The following ATRN variants were observed in gnomAD, a reference collection of about 807,000 sequenced individuals.
The protein encoded by ATRN is attractin.
In ATRN, 54 loss-of-function variants were observed where a neutral mutation model predicts 178.7. That is an observed-to-expected ratio of 0.30 (90% CI 0.24 to 0.38). The LOEUF (loss-of-function observed/expected upper bound fraction) is 0.38. Ranked by LOEUF, ATRN falls within the 10% of genes least tolerant of loss-of-function variation. The pLI is 1.00. For missense variants in ATRN, 1,443 were observed against 1,815.1 expected (o/e 0.79, Z 3.73); for synonymous variants, 636 against 663.0 (o/e 0.96, Z 0.63).
chr20:3,501,041 G>A (rs2084957211), intron 1 of ATRN, among the ~76,000 whole-genome samples: 1 of 151,942 alleles, frequency 6.6e-6, no homozygotes, highest in Admixed American at 6.6e-5. Flanking sequence ...CATTTCTAGA[G>A]GGACATATCC....
At chr20:3,485,593 C>T (rs1163327558) in intron 1 of ATRN, among the ~76,000 whole-genome samples, 10 of 128,458 alleles carry the variant, frequency 7.8e-5, no homozygotes, top group African/African-American at 3.1e-4. Flanking sequence ...TTTGGTTTGC[C>T]AATACATTTT....
intron 1 of ATRN, among the ~76,000 whole-genome samples, chr20:3,516,248 G>C (rs1273070365): frequency 6.6e-6 from 1 of 152,194 alleles, no homozygotes; most frequent in Non-Finnish European, 1.5e-5. Flanking sequence ...TGTATGAGAT[G>C]TGTGTTTATA....
chr20:3,598,899 CA>C (rs1381906723), intron 22 of ATRN, among the ~76,000 whole-genome samples: 1 of 152,050 alleles, frequency 6.6e-6, no homozygotes, highest in Non-Finnish European at 1.5e-5. Flanking sequence ...ACATGGAAAA[CA>C]ATATGGCAGT....
At chr20:3,617,861 T>C (rs2086864432) in intron 24 of ATRN, among the ~76,000 whole-genome samples, 1 of 152,160 alleles carries the variant, frequency 6.6e-6, no homozygotes, top group Non-Finnish European at 1.5e-5. Context: ...GTTTTACCAG[T>C]TAACAGTGGA....
chr20:3,626,231 CAA>C (rs3084195), intron 25 of ATRN, among the ~76,000 whole-genome samples: 10,804 of 99,448 alleles, frequency 0.11, 429 homozygotes, highest in East Asian at 0.25. Context: ...GACCCTGTCT[CAA>C]AAAAAAAAAA....
chr20:3,599,782 T>C (rs1393001025), intron 22 of ATRN, among the ~76,000 whole-genome samples: 2 of 152,216 alleles, frequency 1.3e-5, no homozygotes, highest in Admixed American at 1.3e-4. Flanking sequence ...TAATTGTTAG[T>C]TGTGTGCTGC....
Position 3,630,916 on chromosome 20 carries a change from CTTTTTTTTTTTTTTTTTTTTTTT to C in ATRN, c.3864-3369_3864-3347del, listed in dbSNP as rs368394749. Among the ~76,000 whole-genome samples the C allele has an allele frequency of 2.5e-3, 108 of 43,448 alleles. 4 individuals are homozygous for C. The highest frequency in any genetic ancestry group is 9.2e-3 in the African/African-American group (93 of 10,150). 28.5% of individuals were successfully genotyped at this position (43,448 alleles called of 152,430 possible). A position where few individuals can be genotyped will look rare whatever the true frequency, so the allele number is the denominator to read the frequency against. On this transcript the variant is annotated intron_variant, in intron 25 of 28. Transcript: ENST00000262919. ...ACCATGTCTAAAAGAATTTATTTAG[CTTTTTTTTTTTTTTTTTTTTTTT>C]TTTTTTTTTTTTTTTTTTTTTTTTT...
intron 16 of ATRN, 92 bp downstream of exon 16, chr20:3,582,446 C>A: frequency 8.8e-7 from 1 of 1,141,802 alleles, no homozygotes; most frequent in Non-Finnish European, 1.3e-6. Flanking sequence ...GTGAAGTAGT[C>A]ATGAAAACAG....
chr20:3,520,279 A>G lies in ATRN; in HGVS notation c.411-14974A>G, dbSNP rs1008537089. 6.6e-5 allele frequency among the ~76,000 whole-genome samples: 10 copies of G among 152,116 alleles called. No homozygotes were observed. The East Asian group carries it at 1.9e-3, about 29-fold the overall frequency. On this transcript the variant is annotated intron_variant, in intron 1 of 28. Transcript: ENST00000262919. The stretch of plus-strand genomic sequence containing the variant: ...AGGGAAAGGAAGAAAGGGTAGATGT[A>G]TCTTAGGAGTCTCATTTTTGGGGTT...
chr20:3,598,778 C>T (rs902537148), intron 22 of ATRN, among the ~76,000 whole-genome samples: 3 of 152,152 alleles, frequency 2.0e-5, no homozygotes, highest in Non-Finnish European at 4.4e-5. Context: ...TTTTGCTAAA[C>T]ATAATGGTAA....
chr20:3,584,165 C>G, intron 17 of ATRN, 82 bp downstream of exon 17: 1 of 1,434,072 alleles, frequency 7.0e-7, no homozygotes, highest in Non-Finnish European at 9.6e-7. Context: ...TGCTGTCAGC[C>G]TCTGAACATT....
chr20:3,629,895 G>A (rs1241126369), intron 25 of ATRN, among the ~76,000 whole-genome samples: 1 of 152,148 alleles, frequency 6.6e-6, no homozygotes, highest in Non-Finnish European at 1.5e-5. Context: ...CCCTGCACGT[G>A]GATATATTCA....
intron 6 of ATRN, among the ~76,000 whole-genome samples, chr20:3,550,583 A>G (rs955845944): frequency 1.3e-5 from 2 of 152,164 alleles, no homozygotes; most frequent in African/African-American, 2.4e-5. Flanking sequence ...ATAGATTCAA[A>G]CTATTTTCTT....
chr20:3,486,067 G>GT (rs1344851323), intron 1 of ATRN, among the ~76,000 whole-genome samples: 4 of 152,138 alleles, frequency 2.6e-5, no homozygotes, highest in Admixed American at 6.6e-5. Context: ...CAATTTGAAT[G>GT]TTTTTTTCCA....
chr20:3,584,177 T>C, intron 17 of ATRN, 94 bp downstream of exon 17: 1 of 1,355,230 alleles, frequency 7.4e-7, no homozygotes, highest in Non-Finnish European at 1.0e-6. Flanking sequence ...CTGAACATTT[T>C]AGAAACAAGA....
chr20:3,487,394 A>C (rs238726), intron 1 of ATRN, among the ~76,000 whole-genome samples: 2,893 of 152,070 alleles, frequency 0.019, 68 homozygotes, highest in African/African-American at 0.054. Flanking sequence ...CACCACACCC[A>C]GCTAATTTTT....
chr20:3,590,610 G>A (rs549917362), intron 18 of ATRN, among the ~76,000 whole-genome samples: 16 of 152,210 alleles, frequency 1.1e-4, no homozygotes, highest in African/African-American at 3.9e-4. Flanking sequence ...AAAATGTAAA[G>A]CAAACTAAAT....
chr20:3,551,535 A>C (rs1018344520), intron 6 of ATRN, among the ~76,000 whole-genome samples: 2 of 152,040 alleles, frequency 1.3e-5, no homozygotes, highest in Non-Finnish European at 2.9e-5. Flanking sequence ...CTCTATCTCC[A>C]GCTCTGCTTG....
intron 1 of ATRN, among the ~76,000 whole-genome samples, chr20:3,519,006 T>TAAAAAAAA (rs577864057): frequency 1.0e-4 from 12 of 119,488 alleles, no homozygotes; most frequent in African/African-American, 3.7e-4. Flanking sequence ...TCCTTATATA[T>TAAAAAAAA]AAAAAAAAAA....
Sources: gnomAD v4.1 joint callset for allele counts (sites outside exome capture counted in the v4.1 genomes callset) on GRCh38, gnomAD v4.1.1 for gene constraint, MANE v1.5 for transcripts, NCBI Gene and HGNC (gene_info 2026-07-23, HGNC 2026-07-21) for gene names.